Variants in ELOVL5 observed in about 807,000 individuals in gnomAD.
ELOVL5 encodes ELOVL fatty acid elongase 5.
A neutral mutation model predicts 38.6 loss-of-function variants in ELOVL5; 8 were observed. The observed-to-expected ratio is 0.21, with a 90% CI of 0.12 to 0.37. The LOEUF (loss-of-function observed/expected upper bound fraction) is 0.37, where lower values mean the gene tolerates loss of function less well. Among genes scored for constraint, ELOVL5 ranks in the 10% least tolerant of loss-of-function variants. ELOVL5 has a pLI of 1.00. For missense variants in ELOVL5, 280 were observed against 367.8 expected, an observed-to-expected ratio of 0.76 and a Z score of 1.95; for synonymous variants, 127 against 133.7, an observed-to-expected ratio of 0.95 and a Z score of 0.34.
At chr6:53,327,360 G>A (rs1429126514) in intron 1 of ELOVL5, among the ~76,000 whole-genome samples, 1 of 152,126 alleles carries the variant, frequency 6.6e-6, no homozygotes, top group Non-Finnish European at 1.5e-5. Flanking sequence ...TCCTTCAATG[G>A]TCACTCTTCA....
rs1766393819 is a variant in ELOVL5 at position 53,282,370 on chromosome 6, A to G, written c.247-6114T>C. Among the ~76,000 whole-genome samples, 3 of 152,248 alleles carry G rather than the reference A, an allele frequency of 2.0e-5. No individual in the cohort carries two copies. The South Asian group carries it at 6.2e-4, about 31-fold the overall frequency. ...CAGAGCCAAGCTCTCCAGGTGTTGCAGGGGCAAGTTTAGAGGAGTGAGGCC... is the reference window on the plus strand; with the variant it reads ...CAGAGCCAAGCTCTCCAGGTGTTGCGGGGGCAAGTTTAGAGGAGTGAGGCC... On this transcript the variant is annotated intron_variant, in intron 3 of 7. Transcript: ENST00000304434.
At chr6:53,308,954 CAAGA>C (rs1190603634) in intron 1 of ELOVL5, among the ~76,000 whole-genome samples, 2 of 151,990 alleles carry the variant, frequency 1.3e-5, no homozygotes, top group South Asian at 2.1e-4. Context: ...AACCTCGTAT[CAAGA>C]TAGAGATCAG....
At chr6:53,273,447 G>C (rs999275791) in intron 5 of ELOVL5, 103 bp from the exon 6 acceptor site, 3 of 1,102,058 alleles carry the variant, frequency 2.7e-6, no homozygotes, top group Non-Finnish European at 2.6e-6. Context: ...ATCAGAAAGA[G>C]AGATGACTTC....
chr6:53,340,897 A>G (rs1297919641), intron 1 of ELOVL5, among the ~76,000 whole-genome samples: 1 of 152,210 alleles, frequency 6.6e-6, no homozygotes, highest in Non-Finnish European at 1.5e-5. Flanking sequence ...GAGGCTCCCT[A>G]AAGAATGTGA....
At chr6:53,277,881 C>T (rs752761836) in intron 3 of ELOVL5, 6 of 152,158 alleles carry the variant, frequency 3.9e-5, no homozygotes, top group African/African-American at 9.7e-5. Context: ...CTTCTTTCTA[C>T]CCCAGGAGGG....
intron 1 of ELOVL5, among the ~76,000 whole-genome samples, chr6:53,331,379 A>AACCAG (rs1768795495): frequency 6.6e-6 from 1 of 152,210 alleles, no homozygotes; most frequent in Non-Finnish European, 1.5e-5. Flanking sequence ...TAAATACAAA[A>AACCAG]ACCAGTAACA....
chr6:53,294,137 A>G, intron 2 of ELOVL5: 2 of 1,409,760 alleles, frequency 1.4e-6, no homozygotes, highest in Non-Finnish European at 1.9e-6. Flanking sequence ...TTTTCCCACA[A>G]ATACTCATCT....
At chr6:53,316,525 G>A (rs1319816634) in intron 1 of ELOVL5, among the ~76,000 whole-genome samples, 1 of 152,036 alleles carries the variant, frequency 6.6e-6, no homozygotes, top group Admixed American at 6.6e-5. Flanking sequence ...TAAACTGGGG[G>A]GTTGGTAAAG....
chr6:53,314,575 AT>A (rs1767959805), intron 1 of ELOVL5, among the ~76,000 whole-genome samples: 1 of 152,354 alleles, frequency 6.6e-6, no homozygotes, highest in South Asian at 2.1e-4. Context: ...GTAAGGCACT[AT>A]GGCAAGTGGT....
chr6:53,293,481 C>T (rs1766853666), intron 2 of ELOVL5, among the ~76,000 whole-genome samples: 1 of 152,060 alleles, frequency 6.6e-6, no homozygotes, highest in African/African-American at 2.4e-5. Flanking sequence ...CCACACCCCG[C>T]TAATTTTTGT....
chr6:53,292,659 T>G (rs1398798345), intron 2 of ELOVL5, among the ~76,000 whole-genome samples: 1 of 152,156 alleles, frequency 6.6e-6, no homozygotes, highest in Middle Eastern at 3.2e-3. Flanking sequence ...GGCATGGTGC[T>G]GCACACCTGT....
intron 1 of ELOVL5, among the ~76,000 whole-genome samples, chr6:53,346,252 A>G (rs1474959052): frequency 6.6e-6 from 1 of 152,132 alleles, no homozygotes; most frequent in African/African-American, 2.4e-5. Context: ...CATCTTTTTT[A>G]TGGCTGCATA....
intron 3 of ELOVL5, among the ~76,000 whole-genome samples, chr6:53,284,897 T>TC (rs762219842): frequency 6.6e-6 from 1 of 152,220 alleles, no homozygotes; most frequent in Non-Finnish European, 1.5e-5. Flanking sequence ...CACACCTATA[T>TC]AAGACAGCAA....
At chr6:53,329,652 C>G (rs1008284209) in intron 1 of ELOVL5, among the ~76,000 whole-genome samples, 2 of 152,042 alleles carry the variant, frequency 1.3e-5, no homozygotes, top group African/African-American at 4.8e-5. Context: ...GGTGAAACCC[C>G]GTCTCTACTA....
intron 1 of ELOVL5, among the ~76,000 whole-genome samples, chr6:53,302,609 C>G (rs901166435): frequency 1.3e-5 from 2 of 151,686 alleles, no homozygotes; most frequent in African/African-American, 4.8e-5. Context: ...TAAGGCAAAT[C>G]TGTTTTAAAA....
chr6:53,307,806 A>T (rs534164703), intron 1 of ELOVL5, among the ~76,000 whole-genome samples: 1 of 152,314 alleles, frequency 6.6e-6, no homozygotes, highest in South Asian at 2.1e-4. Flanking sequence ...ATAAATCTGC[A>T]TCTGATAAGC....
chr6:53,307,482 T>C (rs1475281436), intron 1 of ELOVL5, among the ~76,000 whole-genome samples: 5 of 152,202 alleles, frequency 3.3e-5, no homozygotes. Context: ...CGTAAAAATG[T>C]TTCTATTATT....
intron 3 of ELOVL5, among the ~76,000 whole-genome samples, chr6:53,279,027 A>G (rs892777386): frequency 6.6e-6 from 1 of 152,012 alleles, no homozygotes; most frequent in African/African-American, 2.4e-5. Flanking sequence ...TAACCGCTAC[A>G]CAGTAGCCAA....
Position 53,348,907 on chromosome 6 carries a change from G to A in ELOVL5, c.-99C>T, listed in dbSNP as rs1188276311. On this transcript the variant is annotated 5_prime_UTR_variant, in exon 1 of 8. Transcript: ENST00000304434. ...GGTGGCAGCCGGCGCAGAGGCGGAT[G>A]TAGAAGGAGACACCGGTGGCTAGGA... The A allele has an allele frequency of 6.7e-6, 3 of 451,072 alleles. No individual in the cohort carries two copies. Among genetic ancestry groups the A allele is most frequent in the South Asian group, 1.5e-5 (1 of 64,570 alleles). 27.9% of individuals were successfully genotyped at this position (451,072 alleles called of 1,614,324 possible).
Sources: allele counts gnomAD v4.1 joint callset (sites outside exome capture counted in the v4.1 genomes callset), GRCh38; gene constraint gnomAD v4.1.1; transcripts MANE v1.5; gene names NCBI Gene and HGNC (gene_info 2026-07-23, HGNC 2026-07-21).